ESR1: variants seen among roughly 807,000 people sequenced by gnomAD.
The protein encoded by ESR1 is estrogen receptor.
A neutral mutation model predicts 52.7 loss-of-function variants in ESR1; 12 were observed. That is an observed-to-expected ratio of 0.23 (90% CI 0.15 to 0.37). The LOEUF is 0.37. ESR1 is among the 10% of genes least tolerant of loss of function. The pLI is 1.00. For missense variants in ESR1, 584 were observed against 779.7 expected (o/e 0.75, Z 2.99); for synonymous variants, 305 against 316.8 (o/e 0.96, Z 0.39).
intron 4 of ESR1, among the ~76,000 whole-genome samples, chr6:151,991,688 A>G (rs1182756833): frequency 6.6e-6 from 1 of 152,126 alleles, no homozygotes; most frequent in East Asian, 1.9e-4. Flanking sequence ...ATGGGAAAGG[A>G]CATCGTGGTG....
intron 3 of ESR1, among the ~76,000 whole-genome samples, chr6:151,933,034 T>C: frequency 6.6e-6 from 1 of 152,090 alleles, no homozygotes; most frequent in Non-Finnish European, 1.5e-5. Context: ...AATCTGTAAA[T>C]TACCTTGGGC....
At chr6:151,744,072 T>A (rs1272428312) in intron 2 of ESR1, among the ~76,000 whole-genome samples, 1 of 152,244 alleles carries the variant, frequency 6.6e-6, no homozygotes, top group Non-Finnish European at 1.5e-5. Context: ...TATTGCAGCA[T>A]GTGTCAGCAC....
intron 5 of ESR1, among the ~76,000 whole-genome samples, chr6:152,038,385 A>G (rs1042918907): frequency 6.6e-6 from 1 of 152,208 alleles, no homozygotes; most frequent in African/African-American, 2.4e-5. Context: ...ACCCAAGGAC[A>G]GCACTTTGCA....
At chr6:152,116,921 A>G (rs1021585497) in intron 6 of ESR1, among the ~76,000 whole-genome samples, 5 of 152,114 alleles carry the variant, frequency 3.3e-5, no homozygotes, top group African/African-American at 1.2e-4. Flanking sequence ...ATATATTTTG[A>G]GTTAGTGGAG....
rs1478106900 is a variant in ESR1, at chr6:151,842,662, G to T, written c.518G>T (p.Ser173Ile). Reference protein sequence around the residue: ...ERLASTNDKGSMAMESAKETR... With the variant: ...ERLASTNDKGIMAMESAKETR... ...TTGGCCAGTACCAATGACAAGGGAAGTATGGCTATGGAATCTGCCAAGGAG... is the reference window on the plus strand; with the variant it reads ...TTGGCCAGTACCAATGACAAGGGAATTATGGCTATGGAATCTGCCAAGGAG... The change falls in exon 2 of 8, where the codon AGT becomes ATT. Residue 173 changes from serine to isoleucine, a missense_variant. Ser to Ile is a moderately radical substitution (Grantham distance 142, BLOSUM62 -2). Coordinates refer to ENST00000206249, the MANE Select transcript of ESR1 (RefSeq NM_000125.4). 4 of 1,613,928 alleles carry T rather than the reference G, an allele frequency of 2.5e-6. No individual in the cohort carries two copies. Among genetic ancestry groups the T allele is most frequent in the Non-Finnish European group, 3.4e-6 (4 of 1,179,926 alleles).
At position 151,861,044 on chromosome 6, in the gene ESR1, T is replaced by C. The variant is rs9340827; in HGVS notation, c.643+18257T>C. 3.2e-3 allele frequency among the ~76,000 whole-genome samples: 486 copies of C among 152,266 alleles called. 5 individuals carry two copies. The highest frequency in any genetic ancestry group is 0.025 in the East Asian group (131 of 5,186). On this transcript the variant is annotated intron_variant, in intron 2 of 7. Coordinates refer to ENST00000206249, the MANE Select transcript of ESR1 (RefSeq NM_000125.4). The stretch of plus-strand genomic sequence containing the variant: ...TTAACTGGCCTTCCCTGACTTAAAA[T>C]ATACTTTAAAAAATAACAAAGGTGG...
intron 2 of ESR1, among the ~76,000 whole-genome samples, chr6:151,743,698 T>A (rs1227966632): frequency 6.6e-6 from 1 of 152,164 alleles, no homozygotes; most frequent in African/African-American, 2.4e-5. Context: ...GAACAGGTAG[T>A]CACCAAATAG....
chr6:151,837,402 C>T (rs1251511875), intron 1 of ESR1, among the ~76,000 whole-genome samples: 1 of 152,090 alleles, frequency 6.6e-6, no homozygotes, highest in East Asian at 1.9e-4. Flanking sequence ...CCAGCCCAGA[C>T]ATCCCTCTTA....
At chr6:151,910,773 GA>G (rs1487963414) in intron 3 of ESR1, among the ~76,000 whole-genome samples, 5 of 152,154 alleles carry the variant, frequency 3.3e-5, no homozygotes, top group Admixed American at 2.0e-4. Flanking sequence ...GTCTCATTAT[GA>G]AAATTATATT....
chr6:151,686,531 A>C (rs1778685755), upstream of ESR1, among the ~76,000 whole-genome samples: 1 of 152,190 alleles, frequency 6.6e-6, no homozygotes, highest in Non-Finnish European at 1.5e-5. Flanking sequence ...TAAAAATACA[A>C]AAAGAAATTA....
chr6:152,118,828 C>A (rs1218957136), intron 6 of ESR1, among the ~76,000 whole-genome samples: 1 of 152,092 alleles, frequency 6.6e-6, no homozygotes, highest in African/African-American at 2.4e-5. Flanking sequence ...TGAGGTCCTC[C>A]CCGAGAGGAC....
intron 3 of ESR1, among the ~76,000 whole-genome samples, chr6:151,941,874 C>T (rs753622869): frequency 6.6e-6 from 1 of 152,196 alleles, no homozygotes; most frequent in African/African-American, 2.4e-5. Flanking sequence ...AAGTTGAACC[C>T]GTCTTATGCA....
intron 2 of ESR1, among the ~76,000 whole-genome samples, chr6:151,869,998 C>A (rs1417614817): frequency 6.6e-6 from 1 of 152,086 alleles, no homozygotes; most frequent in African/African-American, 2.4e-5. Context: ...AATGTCCTCA[C>A]TGGATTTTTA....
chr6:151,866,723 A>G (rs920207360), intron 2 of ESR1, among the ~76,000 whole-genome samples: 2 of 152,102 alleles, frequency 1.3e-5, no homozygotes, highest in African/African-American at 2.4e-5. Context: ...TATCCAGTCT[A>G]TCATTGATGG....
downstream of ESR1, among the ~76,000 whole-genome samples, chr6:152,106,632 A>G (rs2051070408): frequency 6.6e-6 from 1 of 152,190 alleles, no homozygotes; most frequent in African/African-American, 2.4e-5. Flanking sequence ...TCTCTCACCC[A>G]GGCTGGAGTG....
intron 2 of ESR1, among the ~76,000 whole-genome samples, chr6:151,769,770 G>A (rs558295495): frequency 6.6e-6 from 1 of 152,276 alleles, no homozygotes; most frequent in South Asian, 2.1e-4. Flanking sequence ...CCCATCAATC[G>A]ATAAGCTTCA....
At chr6:152,113,624 G>A (rs2051173542) in intron 6 of ESR1, among the ~76,000 whole-genome samples, 1 of 151,916 alleles carries the variant, frequency 6.6e-6, no homozygotes, top group African/African-American at 2.4e-5. Context: ...AAAAAAGAAA[G>A]AAACAACAAT....
At chr6:151,807,638 G>A (rs112054423), upstream of ESR1, 92 of 576,052 alleles carry the variant, frequency 1.6e-4, 1 homozygote, top group African/African-American at 1.5e-3. Flanking sequence ...ATGCATATGA[G>A]CTCGGGAGAC....
chr6:151,773,676 A>G (rs975172270), intron 2 of ESR1, among the ~76,000 whole-genome samples: 42 of 152,296 alleles, frequency 2.8e-4, no homozygotes, highest in African/African-American at 9.6e-4. Context: ...TCTTACTCCA[A>G]GGATCTCTGT....
Sources: gnomAD v4.1 joint callset for allele counts (sites outside exome capture counted in the v4.1 genomes callset) on GRCh38, gnomAD v4.1.1 for gene constraint, MANE v1.5 for transcripts, NCBI Gene and HGNC (gene_info 2026-07-23, HGNC 2026-07-21) for gene names.